The following AKAP6 variants were observed in gnomAD, a reference collection of about 807,000 sequenced individuals.
The protein encoded by AKAP6 is A-kinase anchor protein 6.
A neutral mutation model predicts 188.5 loss-of-function variants in AKAP6; 58 were observed. The ratio of observed to expected loss-of-function variants is 0.31; its 90% CI spans 0.25 to 0.38. The LOEUF is 0.38. AKAP6 is among the 10% of genes least tolerant of loss of function. The pLI is 1.00. For missense variants in AKAP6, 2,710 were observed against 2,740.0 expected (o/e 0.99, Z 0.24); for synonymous variants, 989 against 998.6 (o/e 0.99, Z 0.18).
intron 2 of AKAP6, among the ~76,000 whole-genome samples, chr14:32,491,796 G>A (rs527704953): frequency 1.3e-5 from 2 of 152,138 alleles, no homozygotes; most frequent in Non-Finnish European, 2.9e-5. Context: ...ATTTTATGTA[G>A]AATAATCTCA....
intron 12 of AKAP6, among the ~76,000 whole-genome samples, chr14:32,784,967 A>C (rs1435397492): frequency 6.6e-6 from 1 of 152,066 alleles, no homozygotes; most frequent in Non-Finnish European, 1.5e-5. Context: ...AATTGAATAC[A>C]AGAAGAATCA....
At chr14:32,517,114 G>T (rs1436782947) in intron 2 of AKAP6, among the ~76,000 whole-genome samples, 1 of 152,136 alleles carries the variant, frequency 6.6e-6, no homozygotes, top group Non-Finnish European at 1.5e-5. Context: ...CGACCAGTTG[G>T]TTACCTTCTG....
Position 32,546,142 on chromosome 14 carries a change from A to G in AKAP6, c.1489A>G (p.Lys497Glu). ...CTATAAAGAGAAATCTCGACTTAAA[A>G]AGCCACACAAGACCTCAGAAGAGGT... is the stretch of plus-strand genomic sequence containing the variant. Reference protein sequence around the residue: ...DCYKEKSRLKKPHKTSEEVPP... With the variant: ...DCYKEKSRLKEPHKTSEEVPP... Residue 497 changes from lysine to glutamate, a missense_variant, in exon 4 of 14, where the codon AAG (lysine) becomes GAG (glutamate). Physicochemically the swap from Lys to Glu is moderately conservative, Grantham distance 56. Transcript: ENST00000280979. 1 of 1,613,850 alleles carries G rather than the reference A, an allele frequency of 6.2e-7. No homozygotes were observed. Among genetic ancestry groups the G allele is most frequent in the Non-Finnish European group, 8.5e-7 (1 of 1,179,960 alleles).
At chr14:32,814,059 G>A (rs1228124215) in intron 12 of AKAP6, among the ~76,000 whole-genome samples, 2 of 152,028 alleles carry the variant, frequency 1.3e-5, no homozygotes, top group Non-Finnish European at 2.9e-5. Flanking sequence ...AACAGTACCT[G>A]ACAGGGCCAC....
chr14:32,786,296 A>ATGTTTTTTTTTGTTTTTTTT, intron 12 of AKAP6, among the ~76,000 whole-genome samples: 1 of 93,704 alleles, frequency 1.1e-5, no homozygotes, highest in Non-Finnish European at 2.1e-5. Context: ...CTAAACCTTT[A>ATGTTTTTTTTTGTTTTTTTT]TCTTTTTTTT....
At chr14:32,829,267 C>G (rs2034762724) in intron 13 of AKAP6, among the ~76,000 whole-genome samples, 1 of 152,180 alleles carries the variant, frequency 6.6e-6, no homozygotes, top group South Asian at 2.1e-4. Flanking sequence ...AAATGCATTA[C>G]TATTTGAGCT....
chr14:32,781,936 G>T (rs1301646427), intron 12 of AKAP6, among the ~76,000 whole-genome samples: 1 of 152,128 alleles, frequency 6.6e-6, no homozygotes, highest in Non-Finnish European at 1.5e-5. Flanking sequence ...GCCGAGGTGG[G>T]TGGATCACTT....
chr14:32,622,878 C>G (rs1049233467), intron 7 of AKAP6, among the ~76,000 whole-genome samples: 1 of 152,004 alleles, frequency 6.6e-6, no homozygotes, highest in Non-Finnish European at 1.5e-5. Flanking sequence ...CAACAGGAAG[C>G]AGAGAGAATG....
At chr14:32,453,877 G>T (rs1404433329) in intron 2 of AKAP6, among the ~76,000 whole-genome samples, 7 of 152,006 alleles carry the variant, frequency 4.6e-5, no homozygotes, top group South Asian at 2.1e-4. Context: ...GAGCCACTGC[G>T]CCCGGCCGAA....
intron 7 of AKAP6, among the ~76,000 whole-genome samples, chr14:32,611,373 G>T (rs1343264497): frequency 6.6e-6 from 1 of 152,154 alleles, no homozygotes; most frequent in Non-Finnish European, 1.5e-5. Context: ...TGATTCTAAA[G>T]TACAGGAAAG....
chr14:32,724,054 A>G (rs947672988), intron 9 of AKAP6, among the ~76,000 whole-genome samples: 26 of 128,090 alleles, frequency 2.0e-4, no homozygotes, highest in Admixed American at 1.6e-3. Context: ...ATTACAAATC[A>G]GGTCTTTTTT....
At chr14:32,489,888 CTGTT>C (rs1316592714) in intron 2 of AKAP6, among the ~76,000 whole-genome samples, 1 of 152,338 alleles carries the variant, frequency 6.6e-6, no homozygotes, top group Admixed American at 6.5e-5. Context: ...AGCAACATGG[CTGTT>C]TATTTCACCT....
intron 5 of AKAP6, among the ~76,000 whole-genome samples, chr14:32,584,771 A>C (rs74041637): frequency 7.5e-4 from 114 of 152,258 alleles, no homozygotes; most frequent in African/African-American, 2.6e-3. Flanking sequence ...GTCTTCTTAC[A>C]TTCAGTGTAC....
chr14:32,690,635 T>C (rs1890138629), intron 8 of AKAP6, among the ~76,000 whole-genome samples: 3 of 152,180 alleles, frequency 2.0e-5, no homozygotes, highest in African/African-American at 7.2e-5. Flanking sequence ...CCCATAGTGC[T>C]TCAACCCAAA....
intron 9 of AKAP6, among the ~76,000 whole-genome samples, chr14:32,708,085 T>C (rs1594868358): frequency 6.6e-6 from 1 of 152,186 alleles, no homozygotes; most frequent in African/African-American, 2.4e-5. Flanking sequence ...TACATACGGG[T>C]ATGATTATTT....
chr14:32,827,766 AATCTTTTTG>A (rs755213801), intron 13 of AKAP6, among the ~76,000 whole-genome samples: 80 of 152,142 alleles, frequency 5.3e-4, no homozygotes, highest in Non-Finnish European at 9.4e-4. Context: ...ACTTTGCGCT[AATCTTTTTG>A]CTGTATTCTG....
At chr14:32,700,438 A>T (rs1412618861) in intron 9 of AKAP6, among the ~76,000 whole-genome samples, 11 of 152,292 alleles carry the variant, frequency 7.2e-5, no homozygotes, top group Admixed American at 4.6e-4. Flanking sequence ...CACCCCACTT[A>T]TATATTTGTT....
intron 7 of AKAP6, among the ~76,000 whole-genome samples, chr14:32,627,129 A>C (rs1887057285): frequency 6.6e-6 from 1 of 152,098 alleles, no homozygotes; most frequent in African/African-American, 2.4e-5. Context: ...TTTGTTAATA[A>C]GTTATTTTGC....
At chr14:32,499,328 C>CAAAAAA (rs71432061) in intron 2 of AKAP6, among the ~76,000 whole-genome samples, 37 of 111,026 alleles carry the variant, frequency 3.3e-4, no homozygotes, top group East Asian at 8.0e-4. Flanking sequence ...AGTGTAACAG[C>CAAAAAA]AAAAAAAAAA....
Sources: allele counts gnomAD v4.1 joint callset (sites outside exome capture counted in the v4.1 genomes callset), GRCh38; gene constraint gnomAD v4.1.1; transcripts MANE v1.5; gene names NCBI Gene and HGNC (gene_info 2026-07-23, HGNC 2026-07-21).